Variants in C6 observed in about 807,000 individuals in gnomAD.
C6 encodes the protein complement component C6.
In C6, 101 loss-of-function variants were observed where a neutral mutation model predicts 112.9. The ratio of observed to expected loss-of-function variants is 0.89; its 90% CI spans 0.76 to 1.06. The LOEUF is 1.06. C6 is among the 50% of genes least tolerant of loss of function. The pLI is 0.00. For synonymous variants in C6, 431 were observed against 384.1 expected (o/e 1.12, Z -1.43); for missense variants, 1,202 against 1,104.6 (o/e 1.09, Z -1.25).
chr5:41,147,426 G>A (rs3805712), intron 17 of C6, among the ~76,000 whole-genome samples: 45,327 of 151,986 alleles, frequency 0.3, 6,879 homozygotes, highest in South Asian at 0.38. Context: ...TCAGATGCCA[G>A]CTATGTCCAC....
At chr5:41,249,854 A>G (rs1741236703) in intron 1 of C6, among the ~76,000 whole-genome samples, 1 of 152,200 alleles carries the variant, frequency 6.6e-6, no homozygotes, top group South Asian at 2.1e-4. Flanking sequence ...ACTAACTTAC[A>G]GGAGTACTCA....
intron 1 of C6, among the ~76,000 whole-genome samples, chr5:41,230,591 C>T (rs983356536): frequency 5.3e-5 from 8 of 152,150 alleles, no homozygotes; most frequent in Non-Finnish European, 8.8e-5. Flanking sequence ...ACAATGTGTG[C>T]ACAGCAGGAC....
intron 1 of C6, among the ~76,000 whole-genome samples, chr5:41,207,386 T>C (rs1751522410): frequency 6.6e-6 from 1 of 152,152 alleles, no homozygotes; most frequent in Non-Finnish European, 1.5e-5. Context: ...AATATTAACC[T>C]TAAATGTAAA....
chr5:41,202,489 C>A (rs1021233622), intron 2 of C6, among the ~76,000 whole-genome samples: 2 of 152,058 alleles, frequency 1.3e-5, no homozygotes, highest in African/African-American at 2.4e-5. Flanking sequence ...AAATAAGGAT[C>A]CTAAAAAATT....
At chr5:41,180,957 T>C (rs973550151) in intron 7 of C6, among the ~76,000 whole-genome samples, 12 of 152,044 alleles carry the variant, frequency 7.9e-5, no homozygotes, top group Admixed American at 6.6e-4. Flanking sequence ...CATTTTGTTA[T>C]ATTTTATATA....
chr5:41,161,636 T>C, intron 10 of C6, 57 bp downstream of exon 10: 1 of 1,367,952 alleles, frequency 7.3e-7, no homozygotes, highest in Non-Finnish European at 1.0e-6. Flanking sequence ...TGATGTGCAA[T>C]TTGGGCTGCT....
intron 1 of C6, among the ~76,000 whole-genome samples, chr5:41,223,453 C>G (rs551054526): frequency 6.6e-6 from 1 of 152,304 alleles, no homozygotes; most frequent in South Asian, 2.1e-4. Context: ...AACTCTCAAG[C>G]TGGCTTGGAC....
intron 14 of C6, among the ~76,000 whole-genome samples, 194 bp from the exon 15 acceptor site, chr5:41,154,192 C>T (rs1157640420): frequency 6.6e-6 from 1 of 152,174 alleles, no homozygotes; most frequent in Non-Finnish European, 1.5e-5. Context: ...TGAAAAATTC[C>T]CTTTAGTTTC....
chr5:41,158,820 T>C (rs183319289), intron 12 of C6, 35 bp from the exon 13 acceptor site: 2 of 1,219,026 alleles, frequency 1.6e-6, no homozygotes, highest in South Asian at 1.2e-5. Context: ...TGTATATGTA[T>C]GTATGTACAC....
rs767171287 is a variant in C6 at position 41,203,188 on chromosome 5, G to A, written c.43C>T (p.Leu15=). 1.9e-6 allele frequency: 3 copies of A among 1,614,120 alleles called. No individual in the cohort carries two copies. Among genetic ancestry groups the A allele is most frequent in the Non-Finnish European group, 1.7e-6 (2 of 1,179,972 alleles). ...SVLYFILLNA[L]INKGQACFCD... ...AAGCAGGCTTGGCCCTTGTTGATCAGAGCATTCAGCAGGATGAAGTACAAG... is the reference window on the plus strand; with the variant it reads ...AAGCAGGCTTGGCCCTTGTTGATCAAAGCATTCAGCAGGATGAAGTACAAG... The change falls in exon 2 of 18, where the codon CTG becomes TTG. Residue 15 remains leucine, a synonymous_variant. Coordinates refer to ENST00000337836, the MANE Select transcript of C6 (RefSeq NM_000065.5).
upstream of C6, among the ~76,000 whole-genome samples, chr5:41,218,181 A>C (rs1738905549): frequency 1.3e-5 from 2 of 152,194 alleles, no homozygotes; most frequent in South Asian, 4.1e-4. Context: ...TAGGAAAGAA[A>C]AAGAACGTCA....
chr5:41,190,214 T>A (rs1750090976), intron 5 of C6, among the ~76,000 whole-genome samples: 2 of 152,218 alleles, frequency 1.3e-5, no homozygotes, highest in African/African-American at 4.8e-5. Flanking sequence ...GCTACATTAG[T>A]TTACATTCTC....
intron 1 of C6, among the ~76,000 whole-genome samples, chr5:41,257,227 C>A (rs1022513590): frequency 6.6e-6 from 1 of 151,968 alleles, no homozygotes; most frequent in African/African-American, 2.4e-5. Flanking sequence ...TTTGTGTCCA[C>A]GTGTAAGCAA....
intron 7 of C6, among the ~76,000 whole-genome samples, chr5:41,177,595 ATAACTGTTAATTAT>A (rs138880301): frequency 0.022 from 3,293 of 152,320 alleles, 126 homozygotes; most frequent in African/African-American, 0.075. Flanking sequence ...TAACTGTATT[ATAACTGTTAATTAT>A]TAACCGTATT....
intron 1 of C6, among the ~76,000 whole-genome samples, chr5:41,252,089 T>C (rs960843691): frequency 6.6e-6 from 1 of 152,238 alleles, no homozygotes; most frequent in Non-Finnish European, 1.5e-5. Context: ...CAAATTCAGA[T>C]ACCTAAGACC....
intron 1 of C6, among the ~76,000 whole-genome samples, chr5:41,236,470 A>G (rs1337477794): frequency 6.7e-6 from 1 of 150,164 alleles, no homozygotes; most frequent in Non-Finnish European, 1.5e-5. Flanking sequence ...CTGCTCCTGA[A>G]TGACTACTGG....
At chr5:41,179,492 A>G (rs938350122) in intron 7 of C6, among the ~76,000 whole-genome samples, 1 of 151,938 alleles carries the variant, frequency 6.6e-6, no homozygotes, top group East Asian at 1.9e-4. Context: ...AAAAAAGGCC[A>G]TATTCCCATG....
intron 1 of C6, among the ~76,000 whole-genome samples, chr5:41,209,953 C>G (rs1751761098): frequency 1.3e-5 from 2 of 152,174 alleles, no homozygotes; most frequent in Admixed American, 1.3e-4. Flanking sequence ...ATCTTGCTAC[C>G]TGACTTCAAA....
chr5:41,168,596 CTTCTT>C (rs1748172019), intron 9 of C6, among the ~76,000 whole-genome samples: 1 of 152,066 alleles, frequency 6.6e-6, no homozygotes, highest in African/African-American at 2.4e-5. Context: ...CTCCTTCTGA[CTTCTT>C]TTGTTTTCTA....
Sources: gnomAD v4.1 joint callset for allele counts (sites outside exome capture counted in the v4.1 genomes callset) on GRCh38, gnomAD v4.1.1 for gene constraint, MANE v1.5 for transcripts, NCBI Gene and HGNC (gene_info 2026-07-23, HGNC 2026-07-21) for gene names.